KCNQ1: variants seen among roughly 807,000 people sequenced by gnomAD.
KCNQ1 encodes the protein potassium voltage-gated channel subfamily KQT member 1.
Under a neutral mutation model 72.4 loss-of-function variants are expected in KCNQ1, and 49 were observed. The observed-to-expected ratio is 0.68, with a 90% CI of 0.54 to 0.86. The LOEUF (loss-of-function observed/expected upper bound fraction) is 0.86. Among genes scored for constraint, KCNQ1 ranks in the 40% least tolerant of loss-of-function variants. The pLI is 0.00. For synonymous variants in KCNQ1, 450 were observed against 412.6 expected, an observed-to-expected ratio of 1.09 and a Z score of -1.10; for missense variants, 790 against 945.1, an observed-to-expected ratio of 0.84 and a Z score of 2.15.
chr11:2,673,137 C>T lies in KCNQ1; in HGVS notation c.1514+11056C>T, dbSNP rs151211. The T allele has an allele frequency of 2.3e-5, 9 of 398,680 alleles. No individual in the cohort carries two copies. In the East Asian group the frequency reaches 3.2e-4, roughly 14 times the overall value. 24.7% of individuals were successfully genotyped at this position (398,680 alleles called of 1,614,324 possible). A position where few individuals can be genotyped will look rare whatever the true frequency, so the allele number is the denominator to read the frequency against. On this transcript the variant is annotated intron_variant, in intron 11 of 15. Transcript: ENST00000155840. This position sits in a 1 kb window ranked among gnomAD's most constrained non-coding sequence, Gnocchi z 4.5. ...AGCAGGCAGCATCAGGGCAGGGGTG[C>T]TGACCATCCCTGACCCAAGCACGAG...
Position 2,677,053 on chromosome 11 carries a change from A to G in KCNQ1, c.1514+14972A>G, listed in dbSNP as rs1488359977. Reference sequence around the variant, plus strand: ...GTTGATGGATATGTAGGGCAGCTAAAAAACAGCAGCCATTAACCATTCAAA... The same window carrying G: ...GTTGATGGATATGTAGGGCAGCTAAGAAACAGCAGCCATTAACCATTCAAA... On this transcript the variant is annotated intron_variant, in intron 11 of 15. Coordinates refer to ENST00000155840, the MANE Select transcript of KCNQ1 (RefSeq NM_000218.3). This position sits in a 1 kb window ranked among gnomAD's most constrained non-coding sequence, Gnocchi z 4.5. 5.0e-6 allele frequency: 2 copies of G among 398,646 alleles called. No homozygotes were observed. The highest frequency in any genetic ancestry group is 7.1e-5 in the East Asian group (2 of 28,086). 24.7% of individuals were successfully genotyped at this position (398,646 alleles called of 1,614,324 possible).
Position 2,541,009 on chromosome 11 carries a change from G to C in KCNQ1, c.477+12991G>C, listed in dbSNP as rs974892948. On this transcript the variant is annotated intron_variant, in intron 2 of 15. Coordinates refer to ENST00000155840, the MANE Select transcript of KCNQ1 (RefSeq NM_000218.3). The surrounding 1 kb of genome is among the most constrained non-coding windows in gnomAD (Gnocchi z 4.8). ...CACAGACATATGTGCACGGATGGGC[G>C]TGTGGACGTATGCACACATAGGTAC... Among the ~76,000 whole-genome samples the C allele has an allele frequency of 6.6e-6, 1 of 152,234 alleles. No individual in the cohort carries two copies. Among genetic ancestry groups the C allele is most frequent in the African/African-American group, 2.4e-5 (1 of 41,468 alleles).
At chr11:2,689,627 A>G in intron 11 of KCNQ1, 1 of 398,702 alleles carries the variant, frequency 2.5e-6, no homozygotes, top group Non-Finnish European at 4.4e-6. Context: ...TAGGAACAAA[A>G]CAAGCCAGCA....
rs1479327180 is a variant in KCNQ1 at position 2,659,848 on chromosome 11, C to CT, written c.1394-2109dup. On this transcript the variant is annotated intron_variant, in intron 10 of 15. Coordinates refer to ENST00000155840, the MANE Select transcript of KCNQ1 (RefSeq NM_000218.3). The surrounding 1 kb of genome is among the most constrained non-coding windows in gnomAD (Gnocchi z 4.3). ...TTCCATATTTATGTTAATTATGTAT[C>CT]TTTTCATGTGCTTATTTATAATCCA... 2 of 398,042 alleles carry CT rather than the reference C, an allele frequency of 5.0e-6. No homozygotes were observed. Among genetic ancestry groups the CT allele is most frequent in the Non-Finnish European group, 8.9e-6 (2 of 225,936 alleles). 24.7% of individuals were successfully genotyped at this position (398,042 alleles called of 1,614,324 possible).
In KCNQ1 at chr11:2,491,389, A is replaced by C. The variant is rs1272778638; in HGVS notation, c.387-36539A>C. On this transcript the variant is annotated intron_variant, in intron 1 of 15. Transcript: ENST00000155840. This position sits in a 1 kb window ranked among gnomAD's most constrained non-coding sequence, Gnocchi z 4.1. ...AGAATTCTATCAGATAAATTTAATA[A>C]AGAGATTAAAATAAGAATCAAGCAG... Among the ~76,000 whole-genome samples, 3 of 152,326 alleles carry C rather than the reference A, an allele frequency of 2.0e-5. No individual in the cohort carries two copies. Among genetic ancestry groups the C allele is most frequent in the South Asian group, 2.1e-4 (1 of 4,832 alleles).
chr11:2,548,412 A>T (rs1017519382), intron 2 of KCNQ1, among the ~76,000 whole-genome samples: 12 of 152,372 alleles, frequency 7.9e-5, no homozygotes, highest in African/African-American at 2.6e-4. Context: ...TAGTTGCTGT[A>T]TTCTGACTTA....
At chr11:2,662,427 T>G in intron 11 of KCNQ1, 3 of 500,270 alleles carry the variant, frequency 6.0e-6, no homozygotes, top group Non-Finnish European at 1.1e-5. Context: ...TTTTAGCATT[T>G]CCCCATGGAA....
rs570994386 is a variant in KCNQ1 at position 2,543,018 on chromosome 11, A to C, written c.477+15000A>C. Among the ~76,000 whole-genome samples, 2 of 152,342 alleles carry C rather than the reference A, an allele frequency of 1.3e-5. No individual in the cohort carries two copies. The highest frequency in any genetic ancestry group is 2.9e-5 in the Non-Finnish European group (2 of 68,034). On this transcript the variant is annotated intron_variant, in intron 2 of 15. Coordinates refer to ENST00000155840, the MANE Select transcript of KCNQ1 (RefSeq NM_000218.3). This position sits in a 1 kb window ranked among gnomAD's most constrained non-coding sequence, Gnocchi z 5.6. ...CGTCATTTTCATGTTAGCCAGTCTA[A>C]GAGGTGTGCGTGGCATCCTGCTGTG...
rs976957638 is a variant in KCNQ1 at position 2,670,622 on chromosome 11, G to A, written c.1514+8541G>A. 1.5e-5 allele frequency: 6 copies of A among 398,406 alleles called. No homozygotes were observed. Among genetic ancestry groups the A allele is most frequent in the African/African-American group, 1.2e-4 (6 of 48,554 alleles). The allele number at this position is 398,406 out of a possible 1,614,324, so 24.7% of individuals were successfully genotyped here. A position where few individuals can be genotyped will look rare whatever the true frequency, so the allele number is the denominator to read the frequency against. On this transcript the variant is annotated intron_variant, in intron 11 of 15. Transcript: ENST00000155840. This position sits in a 1 kb window ranked among gnomAD's most constrained non-coding sequence, Gnocchi z 4.9. Reference sequence around the variant, plus strand: ...AGACACACAATCTCTGGGGGAGCCTGGATATGCATGGCAGAGGCCAGGATG... The same window carrying A: ...AGACACACAATCTCTGGGGGAGCCTAGATATGCATGGCAGAGGCCAGGATG...
intron 2 of KCNQ1, among the ~76,000 whole-genome samples, chr11:2,534,953 C>G (rs1847704885): frequency 1.3e-5 from 2 of 152,234 alleles, no homozygotes; most frequent in Non-Finnish European, 2.9e-5. Context: ...TATGTGCGGG[C>G]TGGAGCCCTG....
chr11:2,698,803 G>A lies in KCNQ1; in HGVS notation c.1514+36722G>A. 1.3e-5 allele frequency: 5 copies of A among 398,610 alleles called. No individual in the cohort carries two copies. Among genetic ancestry groups the A allele is most frequent in the Middle Eastern group, 6.3e-4 (1 of 1,588 alleles). 24.7% of individuals were successfully genotyped at this position (398,610 alleles called of 1,614,324 possible). On this transcript the variant is annotated intron_variant, in intron 11 of 15. Transcript: ENST00000155840. The surrounding 1 kb of genome is among the most constrained non-coding windows in gnomAD (Gnocchi z 5.1). ...ATTCAGGTCCCCAACTCAGACTCCC[G>A]ATCCTCTGTCCCTAATGAGGCCCTA...
At chr11:2,520,871 C>T (rs1847371354) in intron 1 of KCNQ1, among the ~76,000 whole-genome samples, 1 of 152,000 alleles carries the variant, frequency 6.6e-6, no homozygotes, top group Admixed American at 6.6e-5. Flanking sequence ...CATTCAAGGC[C>T]CTATCCTGCC....
At chr11:2,662,703 C>T (rs1849987196) in intron 11 of KCNQ1, 2 of 402,162 alleles carry the variant, frequency 5.0e-6, no homozygotes, top group East Asian at 3.5e-5. Context: ...AGCCGTGCAG[C>T]GGGGTCAGTG....
rs973157709 is a variant in KCNQ1, at chr11:2,484,278, C to T, written c.386+38794C>T. 6.6e-6 allele frequency among the ~76,000 whole-genome samples: 1 copy of T among 152,124 alleles called. No homozygotes were observed. The highest frequency in any genetic ancestry group is 2.1e-4 in the South Asian group (1 of 4,832). Reference sequence around the variant, plus strand: ...TCCGGGGTTCAAGTGATTCTCCTGCCTCAGCCTCCTGAGTAGCTGGGATTA... The same window carrying T: ...TCCGGGGTTCAAGTGATTCTCCTGCTTCAGCCTCCTGAGTAGCTGGGATTA... On this transcript the variant is annotated intron_variant, in intron 1 of 15. Coordinates refer to ENST00000155840, the MANE Select transcript of KCNQ1 (RefSeq NM_000218.3). The surrounding 1 kb of genome is among the most constrained non-coding windows in gnomAD (Gnocchi z 5.2).
rs142906561 is a variant in KCNQ1 at position 2,799,727 on chromosome 11, C to A, written c.1794+21690C>A. Among the ~76,000 whole-genome samples the A allele has an allele frequency of 4.8e-3, 734 of 152,228 alleles. 3 individuals carry two copies. Among genetic ancestry groups the A allele is most frequent in the Non-Finnish European group, 6.8e-3 (460 of 68,012 alleles). On this transcript the variant is annotated intron_variant, in intron 15 of 15. Transcript: ENST00000155840. ...AGCAAATACCCTCCTCTGCATTTTT[C>A]CCTTGTGTTTGATTTGCCAGGAGCA... is the stretch of plus-strand genomic sequence containing the variant.
Position 2,541,931 on chromosome 11 carries a change from C to A in KCNQ1, c.477+13913C>A, listed in dbSNP as rs2133678987. 6.6e-6 allele frequency among the ~76,000 whole-genome samples: 1 copy of A among 152,288 alleles called. No individual in the cohort carries two copies. Among genetic ancestry groups the A allele is most frequent in the Admixed American group, 6.5e-5 (1 of 15,304 alleles). ...TCGGCAGCCTCTGGAGGCCTCTGCA[C>A]CCCTCCTGTGAAAGGCCGGCGCAGA... On this transcript the variant is annotated intron_variant, in intron 2 of 15. Coordinates refer to ENST00000155840, the MANE Select transcript of KCNQ1 (RefSeq NM_000218.3). The surrounding 1 kb of genome is among the most constrained non-coding windows in gnomAD (Gnocchi z 4.8).
rs1846397600 is a variant in KCNQ1, at chr11:2,468,938, G to C, written c.386+23454G>C. 6.6e-6 allele frequency among the ~76,000 whole-genome samples: 1 copy of C among 152,212 alleles called. No individual in the cohort carries two copies. The highest frequency in any genetic ancestry group is 2.4e-5 in the African/African-American group (1 of 41,462). On this transcript the variant is annotated intron_variant, in intron 1 of 15. Transcript: ENST00000155840. This position sits in a 1 kb window ranked among gnomAD's most constrained non-coding sequence, Gnocchi z 5.7. ...CTGCTCTGCAGCCCGCTGGGAAGTG[G>C]AACGGCTGTGTCATGGGGTGGGTGA...
At position 2,471,244 on chromosome 11, in the gene KCNQ1, C is replaced by T. The variant is rs901032197; in HGVS notation, c.386+25760C>T. On this transcript the variant is annotated intron_variant, in intron 1 of 15. Transcript: ENST00000155840. This position sits in a 1 kb window ranked among gnomAD's most constrained non-coding sequence, Gnocchi z 4.8. ...TCCAACTGGTGTGGCTTCAGGGTCC[C>T]CAACTTTTCAGACCCCACCTCTGTG... Among the ~76,000 whole-genome samples, 1 of 152,070 alleles carries T rather than the reference C, an allele frequency of 6.6e-6. No homozygotes were observed. The highest frequency in any genetic ancestry group is 2.4e-5 in the African/African-American group (1 of 41,394).
chr11:2,666,693 T>G (rs910808404), intron 11 of KCNQ1: 14 of 398,592 alleles, frequency 3.5e-5, no homozygotes, highest in Non-Finnish European at 5.3e-5. Flanking sequence ...TGGGACATTT[T>G]GGAGACATCC....
Sources: gnomAD v4.1 joint callset for allele counts (sites outside exome capture counted in the v4.1 genomes callset) on GRCh38, gnomAD v4.1.1 for gene constraint, Gnocchi (gnomAD v3.1) non-coding constraint, MANE v1.5 for transcripts, NCBI Gene and HGNC (gene_info 2026-07-23, HGNC 2026-07-21) for gene names.